Variants in TNP1 observed in about 807,000 individuals in gnomAD.
The protein encoded by TNP1 is transition protein 1, also known as spermatid nuclear transition protein 1.
Under a neutral mutation model 5.8 loss-of-function variants are expected in TNP1, and 1 was observed. That is an observed-to-expected ratio of 0.17 (90% CI 0.06 to 0.82). TNP1 has a LOEUF of 0.82. Among genes scored for constraint, TNP1 ranks in the 40% least tolerant of loss-of-function variants. The pLI, the probability that TNP1 is intolerant of heterozygous loss-of-function variation, is 0.72. For missense variants in TNP1, 71 were observed against 75.5 expected (o/e 0.94, Z 0.22); for synonymous variants, 22 against 25.3 (o/e 0.87, Z 0.40).
In TNP1 at chr2:216,859,688, G is replaced by A; in HGVS notation, c.147C>T (p.Arg49=). 3 of 1,614,154 alleles carry A rather than the reference G, an allele frequency of 1.9e-6. No individual in the cohort carries two copies. Among genetic ancestry groups the A allele is most frequent in the Non-Finnish European group, 1.7e-6 (2 of 1,180,028 alleles). ...KSRKRGDDAN[R]NYRSHL is the part of the protein sequence containing the mutation. ...GGGCTCACAAGTGGGAGCGGTAATT[G>A]CGATTGGCTGTGGGAAAGGACAGGT... The change falls in exon 2 of 2, where the codon CGC becomes CGT. Residue 49 remains arginine, a synonymous_variant. Coordinates refer to ENST00000236979, the MANE Select transcript of TNP1 (RefSeq NM_003284.4).
In TNP1 at chr2:216,859,552, T is replaced by C. The variant is rs1315348005; in HGVS notation, c.*115A>G. 2.2e-6 allele frequency: 3 copies of C among 1,337,458 alleles called. No homozygotes were observed. Among genetic ancestry groups the C allele is most frequent in the Non-Finnish European group, 3.2e-6 (3 of 944,212 alleles). The allele number at this position is 1,337,458 out of a possible 1,614,324, so 82.8% of individuals were successfully genotyped here. ...CAACTGGCATTTGATCCACATTCCA[T>C]AGGCTCCTCTCTGGCTTTGATCTAA... On this transcript the variant is annotated 3_prime_UTR_variant, in exon 2 of 2. Transcript: ENST00000236979.
chr2:216,859,835 G>T, intron 1 of TNP1, 61 bp downstream of exon 1: 1 of 1,614,056 alleles, frequency 6.2e-7, no homozygotes. Flanking sequence ...GCCTCCAAGA[G>T]GGAGGGCCTG....
chr2:216,859,748 A>G, intron 1 of TNP1, 53 bp from the exon 2 acceptor site: 2 of 1,614,036 alleles, frequency 1.2e-6, no homozygotes, highest in Admixed American at 3.3e-5. Context: ...CATTCCCATC[A>G]AGACTCTTGT....
At position 216,859,563 on chromosome 2, in the gene TNP1, C is replaced by G. The variant is rs1290453342; in HGVS notation, c.*104G>C. 17 of 1,451,370 alleles carry G rather than the reference C, an allele frequency of 1.2e-5. 1 individual carries two copies. The highest frequency in any genetic ancestry group is 1.8e-4 in the Middle Eastern group (1 of 5,666). The allele number at this position is 1,451,370 out of a possible 1,614,324, so 89.9% of individuals were successfully genotyped here. On this transcript the variant is annotated 3_prime_UTR_variant, in exon 2 of 2. Coordinates refer to ENST00000236979, the MANE Select transcript of TNP1 (RefSeq NM_003284.4). Reference sequence around the variant, plus strand: ...TGATCCACATTCCATAGGCTCCTCTCTGGCTTTGATCTAACATCAGGTCTC... The same window carrying G: ...TGATCCACATTCCATAGGCTCCTCTGTGGCTTTGATCTAACATCAGGTCTC...
In TNP1 at chr2:216,859,641, G is replaced by A. The variant is rs369895229; in HGVS notation, c.*26C>T. 8.1e-6 allele frequency: 13 copies of A among 1,614,048 alleles called. No homozygotes were observed. Among genetic ancestry groups the A allele is most frequent in the South Asian group, 5.5e-5 (5 of 91,052 alleles). On this transcript the variant is annotated 3_prime_UTR_variant, in exon 2 of 2. Transcript: ENST00000236979. The stretch of plus-strand genomic sequence containing the variant: ...GTTGCTGCTTGGTGCTGTGTGAAGC[G>A]CACCAGGGCAGAGCCCGCTGGGGGC...
rs1471466917 is a variant in TNP1, at chr2:216,859,931, T to G, written c.104A>C (p.Lys35Thr). ...CCGTTTCCTACTTTTCAGGTTGCCCTTACGGTATTTTCTTTTGCTGCCACC... is the reference window on the plus strand; with the variant it reads ...CCGTTTCCTACTTTTCAGGTTGCCCGTACGGTATTTTCTTTTGCTGCCACC... Reference protein sequence around the residue: ...KRGGSKRKYRKGNLKSRKRGD... With the variant: ...KRGGSKRKYRTGNLKSRKRGD... The change falls in exon 1 of 2, where the codon AAG becomes ACG. Residue 35 changes from lysine to threonine, a missense_variant. By Grantham distance (78) the Lys-to-Thr change is moderately conservative. Coordinates refer to ENST00000236979, the MANE Select transcript of TNP1 (RefSeq NM_003284.4). The G allele has an allele frequency of 6.2e-7, 1 of 1,614,090 alleles. No homozygotes were observed.
intron 1 of TNP1, 80 bp from the exon 2 acceptor site, chr2:216,859,775 T>C: frequency 6.2e-7 from 1 of 1,613,772 alleles, no homozygotes; most frequent in South Asian, 1.1e-5. Context: ...AATCTGCATT[T>C]AGTTATTGGA....
Position 216,859,633 on chromosome 2 carries a change from T to C in TNP1, c.*34A>G. The C allele has an allele frequency of 6.2e-7, 1 of 1,614,088 alleles. No homozygotes were observed. ...CTGTTCTTGTTGCTGCTTGGTGCTGTGTGAAGCGCACCAGGGCAGAGCCCG... is the reference window on the plus strand; with the variant it reads ...CTGTTCTTGTTGCTGCTTGGTGCTGCGTGAAGCGCACCAGGGCAGAGCCCG... On this transcript the variant is annotated 3_prime_UTR_variant, in exon 2 of 2. Transcript: ENST00000236979.
In TNP1 at chr2:216,859,522, C is replaced by T. The variant is rs996294515; in HGVS notation, c.*145G>A. ...CAGCCAACATATACATTCCTCATTT[C>T]GTCACAACTGGCATTTGATCCACAT... On this transcript the variant is annotated 3_prime_UTR_variant, in exon 2 of 2. Transcript: ENST00000236979. The T allele has an allele frequency of 1.4e-5, 14 of 981,246 alleles. No individual in the cohort carries two copies. Among genetic ancestry groups the T allele is most frequent in the Middle Eastern group, 2.5e-4 (1 of 3,982 alleles). The allele number at this position is 981,246 out of a possible 1,614,324, so 60.8% of individuals were successfully genotyped here.
rs1419507320 is a variant in TNP1, at chr2:216,859,616, G to T, written c.*51C>A. The T allele has an allele frequency of 1.9e-6, 3 of 1,611,960 alleles. No individual in the cohort carries two copies. The highest frequency in any genetic ancestry group is 1.3e-5 in the African/African-American group (1 of 74,962). On this transcript the variant is annotated 3_prime_UTR_variant, in exon 2 of 2. Transcript: ENST00000236979. Reference sequence around the variant, plus strand: ...TGGCAGTTCCCCTTCTGCTGTTCTTGTTGCTGCTTGGTGCTGTGTGAAGCG... The same window carrying T: ...TGGCAGTTCCCCTTCTGCTGTTCTTTTTGCTGCTTGGTGCTGTGTGAAGCG...
rs1688878421 is a variant in TNP1, at chr2:216,859,603, T to C, written c.*64A>G. The C allele has an allele frequency of 1.2e-6, 2 of 1,604,230 alleles. No homozygotes were observed. Among genetic ancestry groups the C allele is most frequent in the Non-Finnish European group, 1.7e-6 (2 of 1,171,252 alleles). On this transcript the variant is annotated 3_prime_UTR_variant, in exon 2 of 2. Coordinates refer to ENST00000236979, the MANE Select transcript of TNP1 (RefSeq NM_003284.4). ...CATCAGGTCTCCTTGGCAGTTCCCC[T>C]TCTGCTGTTCTTGTTGCTGCTTGGT...
chr2:216,859,469 A>G lies in TNP1; in HGVS notation c.*198T>C. ...GATCAAAGTAAACATTTCTGCTTTC[A>G]AAGTTTTATTGAGATGTTGGGGAAA... On this transcript the variant is annotated 3_prime_UTR_variant, in exon 2 of 2. Coordinates refer to ENST00000236979, the MANE Select transcript of TNP1 (RefSeq NM_003284.4). 3.0e-6 allele frequency: 2 copies of G among 664,716 alleles called. No individual in the cohort carries two copies. Among genetic ancestry groups the G allele is most frequent in the Non-Finnish European group, 5.1e-6 (2 of 391,636 alleles). The allele number at this position is 664,716 out of a possible 1,614,324, so 41.2% of individuals were successfully genotyped here. A position where few individuals can be genotyped will look rare whatever the true frequency, so the allele number is the denominator to read the frequency against.
At position 216,859,916 on chromosome 2, in the gene TNP1, C is replaced by G. The variant is rs770240966; in HGVS notation, c.119G>C (p.Ser40Thr). ...KRKYRKGNLK[S>T]RKRGDDANRN... ...CTCACCGTCATCGCCCCGTTTCCTA[C>G]TTTTCAGGTTGCCCTTACGGTATTT... Residue 40 changes from serine (S) to threonine (T), a missense_variant, in exon 1 of 2, where the codon AGT becomes ACT. Transcript: ENST00000236979. 2.4e-5 allele frequency: 39 copies of G among 1,614,114 alleles called. No individual in the cohort carries two copies. The highest frequency in any genetic ancestry group is 3.2e-5 in the Non-Finnish European group (38 of 1,180,044).
At position 216,859,992 on chromosome 2, in the gene TNP1, T is replaced by G; in HGVS notation, c.43A>C (p.Ser15Arg). 1 of 1,614,120 alleles carries G rather than the reference T, an allele frequency of 6.2e-7. No homozygotes were observed. Among genetic ancestry groups the G allele is most frequent in the Non-Finnish European group, 8.5e-7 (1 of 1,179,980 alleles). The change falls in exon 1 of 2, where the codon AGC (serine) becomes CGC (arginine). Residue 15 changes from serine (S) to arginine (R), a missense_variant. Coordinates refer to ENST00000236979, the MANE Select transcript of TNP1 (RefSeq NM_003284.4). The stretch of plus-strand genomic sequence containing the variant: ...CCCTTGTGAGGAGATCGGCTCTTGC[T>G]CCTCCTCATGCCATGACTCTTTAAT... The part of the protein sequence containing the change: ...RKLKSHGMRR[S>R]KSRSPHKGVK...
intron 1 of TNP1, 25 bp downstream of exon 1, chr2:216,859,871 A>G: frequency 6.2e-7 from 1 of 1,614,166 alleles, no homozygotes; most frequent in Non-Finnish European, 8.5e-7. Context: ...TAAGTTTGGC[A>G]ATCTCCTCCC....
intron 1 of TNP1, 27 bp downstream of exon 1, chr2:216,859,869 G>T: frequency 1.9e-6 from 3 of 1,614,124 alleles, no homozygotes; most frequent in Non-Finnish European, 2.5e-6. Context: ...CCTAAGTTTG[G>T]CAATCTCCTC....
In TNP1 at chr2:216,860,029, C is replaced by T. The variant is rs201840333; in HGVS notation, c.6G>A (p.Ser2=). ...CATGACTCTTTAATTTGCGGCTGGTCGACATGGTAAGTTCTGCCAAAATGA... is the reference window on the plus strand; with the variant it reads ...CATGACTCTTTAATTTGCGGCTGGTTGACATGGTAAGTTCTGCCAAAATGA... The part of the protein sequence containing the change: M[S]TSRKLKSHGM... Residue 2 remains serine (S), a synonymous_variant, in exon 1 of 2, where the codon TCG becomes TCA. Coordinates refer to ENST00000236979, the MANE Select transcript of TNP1 (RefSeq NM_003284.4). 3.9e-4 allele frequency: 633 copies of T among 1,614,010 alleles called. No homozygotes were observed. Among genetic ancestry groups the T allele is most frequent in the Non-Finnish European group, 3.3e-4 (395 of 1,180,024 alleles).
In TNP1 at chr2:216,859,707, G is replaced by A. The variant is rs1239798911; in HGVS notation, c.140-12C>T. 6.2e-7 allele frequency: 1 copy of A among 1,614,158 alleles called. No individual in the cohort carries two copies. The highest frequency in any genetic ancestry group is 2.2e-5 in the East Asian group (1 of 44,848). On this transcript the variant is annotated splice_polypyrimidine_tract_variant and intron_variant, in intron 1 of 1. Coordinates refer to ENST00000236979, the MANE Select transcript of TNP1 (RefSeq NM_003284.4). ...GTAATTGCGATTGGCTGTGGGAAAG[G>A]ACAGGTTTGCAACAGAGACACGAAT... is the stretch of plus-strand genomic sequence containing the variant.
rs776449743 is a variant in TNP1 at position 216,859,657 on chromosome 2, C to T, written c.*10G>A. ...GTGTGAAGCGCACCAGGGCAGAGCC[C>T]GCTGGGGGCTCACAAGTGGGAGCGG... On this transcript the variant is annotated 3_prime_UTR_variant, in exon 2 of 2. Coordinates refer to ENST00000236979, the MANE Select transcript of TNP1 (RefSeq NM_003284.4). The T allele has an allele frequency of 2.0e-5, 32 of 1,613,976 alleles. No homozygotes were observed. The highest frequency in any genetic ancestry group is 6.7e-5 in the African/African-American group (5 of 74,902).
Sources: allele counts gnomAD v4.1 joint callset, GRCh38; gene constraint gnomAD v4.1.1; transcripts MANE v1.5; gene names NCBI Gene and HGNC (gene_info 2026-07-23, HGNC 2026-07-21).